Variants in ZBTB7C observed in about 807,000 individuals in gnomAD.
ZBTB7C encodes zinc finger and BTB domain containing 7C, also known as zinc finger and BTB domain-containing protein 7C.
Under a neutral mutation model 25.7 loss-of-function variants are expected in ZBTB7C, and 8 were observed. The observed-to-expected ratio is 0.31, with a 90% CI of 0.18 to 0.56. ZBTB7C has a LOEUF of 0.56. ZBTB7C is among the 20% of genes least tolerant of loss of function. The pLI is 0.91. For synonymous variants in ZBTB7C, 394 were observed against 369.0 expected (o/e 1.07, Z -0.78); for missense variants, 824 against 855.2 (o/e 0.96, Z 0.46).
chr18:48,329,703 A>C (rs2046301917), intron 2 of ZBTB7C, among the ~76,000 whole-genome samples: 1 of 152,226 alleles, frequency 6.6e-6, no homozygotes, highest in Non-Finnish European at 1.5e-5. Flanking sequence ...GTTTGTACCG[A>C]CACTGTCCAT....
At chr18:48,402,854 CTATTA>C (rs1160556883) in intron 1 of ZBTB7C, among the ~76,000 whole-genome samples, 1 of 152,148 alleles carries the variant, frequency 6.6e-6, no homozygotes, top group African/African-American at 2.4e-5. Context: ...TCCCAATTTT[CTATTA>C]TGAGTCTTAT....
At chr18:48,203,473 G>C (rs914914048) in intron 2 of ZBTB7C, 4 of 152,272 alleles carry the variant, frequency 2.6e-5, no homozygotes, top group Admixed American at 1.3e-4. Flanking sequence ...GTCCACTGTA[G>C]GAATGTTCTG....
rs550229081 is a variant in ZBTB7C at position 48,362,066 on chromosome 18, T to A, written c.-303-23668A>T. 3.3e-5 allele frequency among the ~76,000 whole-genome samples: 5 copies of A among 152,296 alleles called. No homozygotes were observed. The East Asian group carries it at 7.7e-4, about 24-fold the overall frequency. On this transcript the variant is annotated intron_variant, in intron 1 of 4. Transcript: ENST00000590800. ...AGGCTTGGGCATGTCTCCTAGCAGATGAAGTGACTGAGGCTCGAAGACATG... is the reference window on the plus strand; with the variant it reads ...AGGCTTGGGCATGTCTCCTAGCAGAAGAAGTGACTGAGGCTCGAAGACATG...
intron 1 of ZBTB7C, among the ~76,000 whole-genome samples, chr18:48,384,525 G>A (rs1020367473): frequency 6.6e-6 from 1 of 152,222 alleles, no homozygotes; most frequent in Non-Finnish European, 1.5e-5. Flanking sequence ...AGGGATTGCT[G>A]AAGATGTAGT....
chr18:48,288,973 A>T (rs1271870221), intron 2 of ZBTB7C, among the ~76,000 whole-genome samples: 2 of 152,226 alleles, frequency 1.3e-5, no homozygotes, highest in African/African-American at 4.8e-5. Context: ...TCAAAAATAG[A>T]TATTTAGAAC....
intron 3 of ZBTB7C, among the ~76,000 whole-genome samples, chr18:48,054,705 G>A (rs1319230077): frequency 6.6e-6 from 1 of 152,110 alleles, no homozygotes; most frequent in African/African-American, 2.4e-5. Context: ...CAAACTGGAA[G>A]CTTGCAATTT....
chr18:48,139,611 C>T (rs1211407062), intron 3 of ZBTB7C, among the ~76,000 whole-genome samples: 1 of 152,094 alleles, frequency 6.6e-6, no homozygotes, highest in Non-Finnish European at 1.5e-5. Flanking sequence ...GTGAATGCCA[C>T]TCCTCCCTCC....
intron 2 of ZBTB7C, among the ~76,000 whole-genome samples, chr18:48,278,548 G>A (rs995642989): frequency 6.6e-6 from 1 of 151,778 alleles, no homozygotes; most frequent in Non-Finnish European, 1.5e-5. Context: ...TAATTCTCCA[G>A]CCTCCTGAGT....
At chr18:48,351,512 G>C (rs1207377070) in intron 1 of ZBTB7C, among the ~76,000 whole-genome samples, 1 of 152,156 alleles carries the variant, frequency 6.6e-6, no homozygotes, top group Non-Finnish European at 1.5e-5. Flanking sequence ...TCTAAAAGGA[G>C]GGCCTCTCGC....
chr18:48,041,943 G>GT (rs1430666424), intron 3 of ZBTB7C, among the ~76,000 whole-genome samples: 2 of 152,174 alleles, frequency 1.3e-5, no homozygotes, highest in Non-Finnish European at 2.9e-5. Flanking sequence ...CCTGTGGTGA[G>GT]AAGCGTCTTC....
chr18:48,108,398 G>T (rs1001057935), intron 3 of ZBTB7C, among the ~76,000 whole-genome samples: 2 of 152,122 alleles, frequency 1.3e-5, no homozygotes, highest in African/African-American at 4.8e-5. Flanking sequence ...AGAACCAACC[G>T]CCAGACAAAC....
intron 3 of ZBTB7C, among the ~76,000 whole-genome samples, chr18:48,143,803 C>T (rs538940884): frequency 5.9e-5 from 9 of 152,320 alleles, no homozygotes; most frequent in African/African-American, 1.9e-4. Context: ...CGAGGATCCC[C>T]CTACCTTTGA....
At chr18:48,226,881 G>T (rs753864180) in intron 2 of ZBTB7C, among the ~76,000 whole-genome samples, 1 of 151,926 alleles carries the variant, frequency 6.6e-6, no homozygotes, top group African/African-American at 2.4e-5. Context: ...TTAGCCAGGC[G>T]TGATGGCACA....
intron 3 of ZBTB7C, among the ~76,000 whole-genome samples, chr18:48,089,053 G>C (rs2038306031): frequency 6.6e-6 from 1 of 152,158 alleles, no homozygotes; most frequent in African/African-American, 2.4e-5. Flanking sequence ...CCGGTTTACT[G>C]ATCACACAGG....
intron 3 of ZBTB7C, among the ~76,000 whole-genome samples, chr18:48,145,779 C>A (rs142630675): frequency 6.6e-6 from 1 of 152,092 alleles, no homozygotes; most frequent in Non-Finnish European, 1.5e-5. Context: ...TGTATGTATA[C>A]GTGATATTTT....
intron 1 of ZBTB7C, among the ~76,000 whole-genome samples, chr18:48,360,731 T>C (rs752726): frequency 1.3e-5 from 2 of 150,966 alleles, no homozygotes; most frequent in Non-Finnish European, 3.0e-5. Context: ...CAGGGGTGAG[T>C]GTGAGGGGAA....
At chr18:48,094,993 A>G (rs1568213582) in intron 3 of ZBTB7C, among the ~76,000 whole-genome samples, 1 of 152,108 alleles carries the variant, frequency 6.6e-6, no homozygotes, top group African/African-American at 2.4e-5. Context: ...ATTTCACAGC[A>G]CTTTTCAACC....
intron 2 of ZBTB7C, among the ~76,000 whole-genome samples, chr18:48,299,760 G>A (rs1300470979): frequency 6.6e-6 from 1 of 152,238 alleles, no homozygotes; most frequent in Non-Finnish European, 1.5e-5. Flanking sequence ...AGGCCCTGTG[G>A]GGAGAGAGAG....
intron 2 of ZBTB7C, chr18:48,252,336 T>A (rs2043886371): frequency 6.6e-6 from 1 of 152,182 alleles, no homozygotes; most frequent in African/African-American, 2.4e-5. Context: ...GTATTGTGAG[T>A]TGGGACAACT....
Sources: allele counts gnomAD v4.1 joint callset (sites outside exome capture counted in the v4.1 genomes callset), GRCh38; gene constraint gnomAD v4.1.1; transcripts MANE v1.5; gene names NCBI Gene and HGNC (gene_info 2026-07-23, HGNC 2026-07-21).